PCDH15: variants seen among roughly 807,000 people sequenced by gnomAD.
PCDH15 encodes the protein protocadherin related 15.
Under a neutral mutation model 178.5 loss-of-function variants are expected in PCDH15, and 129 were observed. The observed-to-expected ratio is 0.72, with a 90% CI of 0.63 to 0.84. The LOEUF is 0.84. Ranked by LOEUF, PCDH15 falls within the 40% of genes least tolerant of loss-of-function variation. The pLI is 0.00. For missense variants in PCDH15, 2,230 were observed against 2,099.9 expected (o/e 1.06, Z -1.21); for synonymous variants, 800 against 732.0 (o/e 1.09, Z -1.50).
At chr10:54,194,323 A>T (rs10825268) in intron 11 of PCDH15, among the ~76,000 whole-genome samples, 13,746 of 152,152 alleles carry the variant, frequency 0.09, 961 homozygotes, top group African/African-American at 0.19. Flanking sequence ...ATGTATTTAT[A>T]TTTAATTTCA....
intron 1 of PCDH15, among the ~76,000 whole-genome samples, chr10:54,777,885 T>C (rs1373673628): frequency 6.6e-6 from 1 of 152,124 alleles, no homozygotes; most frequent in African/African-American, 2.4e-5. Context: ...GCTAGTAGCA[T>C]GGGGTTTTAG....
chr10:55,481,225 G>C (rs993920888), intron 2 of PCDH15, among the ~76,000 whole-genome samples: 7 of 151,182 alleles, frequency 4.6e-5, no homozygotes, highest in Non-Finnish European at 7.4e-5. Context: ...AATCTTTTCT[G>C]TTTTTTACTT....
rs78443913 is a variant in PCDH15, at chr10:54,451,183, A to T, written c.158-72241T>A. 1.8e-3 allele frequency among the ~76,000 whole-genome samples: 271 copies of T among 152,020 alleles called. 5 individuals are homozygous for T. The East Asian group carries it at 0.048, about 27-fold the overall frequency. On this transcript the variant is annotated intron_variant, in intron 3 of 37. Coordinates refer to ENST00000644397, the MANE Select transcript of PCDH15 (RefSeq NM_001384140.1). Reference sequence around the variant, plus strand: ...AACAGCATTAAATCAGGTGTGATAAAATCACCTTTTTCTGTTTATCTTCAC... The same window carrying T: ...AACAGCATTAAATCAGGTGTGATAATATCACCTTTTTCTGTTTATCTTCAC...
At chr10:54,431,445 C>T (rs1181840380) in intron 3 of PCDH15, among the ~76,000 whole-genome samples, 1 of 152,114 alleles carries the variant, frequency 6.6e-6, no homozygotes. Flanking sequence ...GCAAGGAAAT[C>T]TCAACATATG....
chr10:55,170,260 C>T (rs924139987), intron 1 of PCDH15, among the ~76,000 whole-genome samples: 2 of 152,036 alleles, frequency 1.3e-5, no homozygotes, highest in African/African-American at 2.4e-5. Context: ...AGCAATCCTC[C>T]TGCCTCAGCC....
At chr10:54,829,868 G>GT (rs1953194588) in intron 3 of PCDH15, among the ~76,000 whole-genome samples, 2 of 152,032 alleles carry the variant, frequency 1.3e-5, no homozygotes, top group African/African-American at 4.8e-5. Context: ...ATGCTTTTTT[G>GT]TTGTTATGCA....
chr10:54,994,500 T>G (rs1379260752), intron 2 of PCDH15, among the ~76,000 whole-genome samples: 6 of 152,158 alleles, frequency 3.9e-5, no homozygotes, highest in Admixed American at 2.6e-4. Context: ...ATAAATACAG[T>G]AAACTTTTGT....
rs1402893508 is a variant in PCDH15 at position 53,903,242 on chromosome 10, C to G, written c.3501+1G>C. The G allele has an allele frequency of 1.9e-6, 3 of 1,612,676 alleles. No homozygotes were observed. Among genetic ancestry groups the G allele is most frequent in the Non-Finnish European group, 2.5e-6 (3 of 1,179,250 alleles). ...CTGTATATTAACATAATTCCGCATA[C>G]CTTCACTCTGAGTACAGAAGTAAAC... On this transcript the variant is annotated splice_donor_variant, in intron 26 of 37. Coordinates refer to ENST00000644397, the MANE Select transcript of PCDH15 (RefSeq NM_001384140.1). LOFTEE classifies it high-confidence loss of function.
At chr10:54,083,386 C>G (rs943141206) in intron 16 of PCDH15, among the ~76,000 whole-genome samples, 4 of 152,136 alleles carry the variant, frequency 2.6e-5, no homozygotes, top group African/African-American at 9.7e-5. Flanking sequence ...AAACGTCTAT[C>G]AATTTATGAA....
chr10:54,733,777 G>A (rs890747714), intron 1 of PCDH15, among the ~76,000 whole-genome samples: 26 of 151,466 alleles, frequency 1.7e-4, no homozygotes, highest in African/African-American at 6.3e-4. Context: ...AAAATAAATA[G>A]AATATAAATA....
chr10:54,900,311 A>G (rs1430809300), intron 2 of PCDH15, among the ~76,000 whole-genome samples: 2 of 152,182 alleles, frequency 1.3e-5, no homozygotes, highest in African/African-American at 4.8e-5. Flanking sequence ...TTTTAAGGGG[A>G]AAATTGTCAG....
At chr10:55,107,945 T>C (rs960353303) in intron 2 of PCDH15, among the ~76,000 whole-genome samples, 4 of 152,140 alleles carry the variant, frequency 2.6e-5, no homozygotes, top group African/African-American at 9.7e-5. Flanking sequence ...GGCCCTAATG[T>C]GATGGTGCGT....
chr10:55,530,185 G>A (rs189077647), intron 2 of PCDH15, among the ~76,000 whole-genome samples: 1 of 151,230 alleles, frequency 6.6e-6, no homozygotes, highest in Admixed American at 6.6e-5. Flanking sequence ...TTTAACTGTC[G>A]TCGGCTTTTG....
At chr10:55,599,495 C>T (rs1174461529) in intron 2 of PCDH15, 4 of 152,674 alleles carry the variant, frequency 2.6e-5, no homozygotes, top group Middle Eastern at 3.2e-3. Flanking sequence ...ATCTGACTAA[C>T]TTCATTTCTA....
intron 1 of PCDH15, among the ~76,000 whole-genome samples, chr10:54,670,755 T>A (rs1237187156): frequency 1.3e-5 from 2 of 152,212 alleles, no homozygotes; most frequent in Non-Finnish European, 2.9e-5. Context: ...ATACATACAT[T>A]TACTCAATTA....
chr10:54,105,894 C>A (rs1475486422), intron 15 of PCDH15, among the ~76,000 whole-genome samples: 1 of 152,142 alleles, frequency 6.6e-6, no homozygotes, highest in African/African-American at 2.4e-5. Context: ...ATCCCCATGA[C>A]CGTCAGCTGA....
intron 1 of PCDH15, among the ~76,000 whole-genome samples, chr10:55,248,053 T>C (rs1841730966): frequency 1.3e-5 from 2 of 151,186 alleles, no homozygotes; most frequent in African/African-American, 2.4e-5. Context: ...CATATATTTA[T>C]ATGTACAATT....
chr10:54,100,790 A>G (rs1330865939), intron 15 of PCDH15, among the ~76,000 whole-genome samples: 3 of 152,182 alleles, frequency 2.0e-5, no homozygotes, highest in Admixed American at 1.3e-4. Flanking sequence ...CCATATTAGC[A>G]GAGATAGTAC....
At chr10:54,290,029 T>C (rs186782085) in intron 8 of PCDH15, among the ~76,000 whole-genome samples, 1 of 152,162 alleles carries the variant, frequency 6.6e-6, no homozygotes, top group African/African-American at 2.4e-5. Context: ...AACATTCAAA[T>C]TCAGGAAATA....
Sources: allele counts gnomAD v4.1 joint callset (sites outside exome capture counted in the v4.1 genomes callset), GRCh38; gene constraint gnomAD v4.1.1; transcripts MANE v1.5; gene names NCBI Gene and HGNC (gene_info 2026-07-23, HGNC 2026-07-21).